Variants in GRIK1 observed in about 807,000 individuals in gnomAD.
GRIK1 encodes glutamate ionotropic receptor kainate type subunit 1.
Under a neutral mutation model 105.7 loss-of-function variants are expected in GRIK1, and 69 were observed. That is an observed-to-expected ratio of 0.65 (90% CI 0.54 to 0.80). The LOEUF (loss-of-function observed/expected upper bound fraction) is 0.80, where lower values mean the gene tolerates loss of function less well. GRIK1 is among the 30% of genes least tolerant of loss of function. The pLI, the probability that GRIK1 is intolerant of heterozygous loss-of-function variation, is 0.00. For missense variants in GRIK1, 1,109 were observed against 1,167.3 expected, an observed-to-expected ratio of 0.95 and a Z score of 0.73; for synonymous variants, 438 against 431.3, an observed-to-expected ratio of 1.02 and a Z score of -0.19.
At chr21:29,935,986 A>G (rs1216130847) in intron 1 of GRIK1, among the ~76,000 whole-genome samples, 1 of 152,242 alleles carries the variant, frequency 6.6e-6, no homozygotes, top group Non-Finnish European at 1.5e-5. Context: ...TCCAGATATT[A>G]CTCAAAGCCC....
At chr21:29,597,440 C>T (rs1351799536) in intron 8 of GRIK1, 2 of 192,560 alleles carry the variant, frequency 1.0e-5, no homozygotes, top group Admixed American at 5.6e-5. Flanking sequence ...TTTTCTTCCC[C>T]CTTCAGTGCT....
chr21:29,848,626 T>C (rs2068201859), intron 1 of GRIK1, among the ~76,000 whole-genome samples: 2 of 151,910 alleles, frequency 1.3e-5, no homozygotes, highest in South Asian at 2.1e-4. Flanking sequence ...TGTGGCTAGA[T>C]GTATTCTCTC....
chr21:29,564,431 G>C (rs1469594323), intron 14 of GRIK1, among the ~76,000 whole-genome samples: 2 of 152,236 alleles, frequency 1.3e-5, no homozygotes, highest in Admixed American at 1.3e-4. Context: ...ACAGGCGTGA[G>C]CCACCGCGCC....
At position 29,587,524 on chromosome 21, in the gene GRIK1, G is replaced by A. The variant is rs375003072; in HGVS notation, c.1635C>T (p.Ser545=). 2 of 1,613,566 alleles carry A rather than the reference G, an allele frequency of 1.2e-6. No homozygotes were observed. The highest frequency in any genetic ancestry group is 1.7e-6 in the Non-Finnish European group (2 of 1,179,610). ...TGATGCCTAGGGTCATGAAGGGTTT[G>A]GAGAAGTCAATGACTTTCTCCCGCA... ...TYVREKVIDF[S]KPFMTLGISI... The change falls in exon 12 of 18, where the codon TCC becomes TCT. Residue 545 remains serine (S), a synonymous_variant. Transcript: ENST00000327783.
intron 1 of GRIK1, among the ~76,000 whole-genome samples, chr21:29,706,396 C>T (rs1212198884): frequency 6.6e-6 from 1 of 152,188 alleles, no homozygotes; most frequent in Non-Finnish European, 1.5e-5. Context: ...TTTACCACGA[C>T]ACTTTTCCTT....
intron 1 of GRIK1, among the ~76,000 whole-genome samples, chr21:29,811,375 T>C (rs562390365): frequency 6.6e-6 from 1 of 152,314 alleles, no homozygotes; most frequent in East Asian, 1.9e-4. Context: ...GTCTGTTTCC[T>C]TTTAGGGATC....
chr21:29,690,606 T>C (rs1163760522), intron 2 of GRIK1, among the ~76,000 whole-genome samples: 1 of 152,240 alleles, frequency 6.6e-6, no homozygotes, highest in South Asian at 2.1e-4. Context: ...ACTCATTTCA[T>C]AGACAATGAA....
chr21:29,881,217 A>G (rs1369910688), intron 1 of GRIK1, among the ~76,000 whole-genome samples: 1 of 152,068 alleles, frequency 6.6e-6, no homozygotes, highest in Non-Finnish European at 1.5e-5. Flanking sequence ...GCTTTGCCTT[A>G]TTTCTCCTGT....
intron 7 of GRIK1, among the ~76,000 whole-genome samples, chr21:29,613,176 T>C (rs1055269476): frequency 5.9e-5 from 9 of 152,344 alleles, no homozygotes; most frequent in African/African-American, 2.2e-4. Flanking sequence ...TCCAGTTCCC[T>C]TATGATCTTG....
intron 1 of GRIK1, among the ~76,000 whole-genome samples, chr21:29,728,518 G>A (rs977656041): frequency 6.6e-6 from 1 of 152,160 alleles, no homozygotes; most frequent in African/African-American, 2.4e-5. Flanking sequence ...TAAGAATGAG[G>A]ATGTGAGAGT....
At chr21:29,901,624 A>T (rs749036783) in intron 1 of GRIK1, among the ~76,000 whole-genome samples, 1 of 152,164 alleles carries the variant, frequency 6.6e-6, no homozygotes, top group Non-Finnish European at 1.5e-5. Context: ...AAAGGCCAAT[A>T]ACAGATTCTG....
At chr21:29,936,292 A>G (rs2071752378) in intron 1 of GRIK1, among the ~76,000 whole-genome samples, 2 of 152,228 alleles carry the variant, frequency 1.3e-5, no homozygotes, top group Admixed American at 1.3e-4. Flanking sequence ...AATCCTTATT[A>G]TAAATATTAC....
At chr21:29,922,185 A>C (rs2146328431) in intron 1 of GRIK1, among the ~76,000 whole-genome samples, 1 of 152,292 alleles carries the variant, frequency 6.6e-6, no homozygotes, top group South Asian at 2.1e-4. Context: ...TGGTTATATT[A>C]GATATAACTA....
chr21:29,769,307 A>G (rs1458618427), intron 1 of GRIK1, among the ~76,000 whole-genome samples: 1 of 152,186 alleles, frequency 6.6e-6, no homozygotes, highest in Non-Finnish European at 1.5e-5. Flanking sequence ...GGACATTTTG[A>G]CACAGAGACA....
chr21:29,544,309 G>T (rs2090017255), intron 16 of GRIK1, among the ~76,000 whole-genome samples: 1 of 152,072 alleles, frequency 6.6e-6, no homozygotes. Flanking sequence ...TTTAAAAAAT[G>T]ATCCTTAAAA....
chr21:29,650,971 T>C, intron 6 of GRIK1, 147 bp downstream of exon 6: 1 of 569,660 alleles, frequency 1.8e-6, no homozygotes, highest in Non-Finnish European at 2.9e-6. Flanking sequence ...GCCTTTCAAA[T>C]TACCTAAAAA....
At chr21:29,808,174 G>C (rs752633061) in intron 1 of GRIK1, among the ~76,000 whole-genome samples, 12 of 152,044 alleles carry the variant, frequency 7.9e-5, no homozygotes, top group Admixed American at 6.6e-4. Context: ...TTTCAAGTCG[G>C]GTCTGAAGTG....
At chr21:29,770,712 A>T (rs1176828109) in intron 1 of GRIK1, among the ~76,000 whole-genome samples, 2 of 152,232 alleles carry the variant, frequency 1.3e-5, no homozygotes, top group African/African-American at 4.8e-5. Context: ...ATCTAATAAA[A>T]ATATCTTATT....
intron 15 of GRIK1, 64 bp from the exon 16 acceptor site, chr21:29,555,366 TTAATTA>T: frequency 7.0e-7 from 1 of 1,421,224 alleles, no homozygotes; most frequent in South Asian, 1.3e-5. Context: ...AGAAGTATTC[TTAATTA>T]TCATCTTTGT....
Sources: gnomAD v4.1 joint callset for allele counts (sites outside exome capture counted in the v4.1 genomes callset) on GRCh38, gnomAD v4.1.1 for gene constraint, MANE v1.5 for transcripts, NCBI Gene and HGNC (gene_info 2026-07-23, HGNC 2026-07-21) for gene names.